PI15: variants seen among roughly 807,000 people sequenced by gnomAD.
PI15 encodes peptidase inhibitor 15.
A neutral mutation model predicts 31.0 loss-of-function variants in PI15; 18 were observed. The observed-to-expected ratio is 0.58, with a 90% confidence interval of 0.40 to 0.86. The LOEUF is 0.86. PI15 is among the 40% of genes least tolerant of loss of function. PI15 has a pLI of 0.00. For missense variants in PI15, 282 were observed against 328.1 expected (o/e 0.86, Z 1.09); for synonymous variants, 118 against 119.1 (o/e 0.99, Z 0.06).
chr8:74,841,203 G>T (rs934851684), intron 2 of PI15, among the ~76,000 whole-genome samples: 4 of 152,132 alleles, frequency 2.6e-5, no homozygotes, highest in Admixed American at 1.3e-4. Flanking sequence ...GAAATGTCTT[G>T]AATATTTTTA....
rs139768565 is a variant in PI15 at position 74,851,631 on chromosome 8, G to T, written c.*2378G>T. On this transcript the variant is annotated 3_prime_UTR_variant, in exon 6 of 6. Transcript: ENST00000260113. ...TGTATTTATCCCAGCTTCTTAAATG[G>T]TGGCTGTAACATAATAAATGTTTAA... The T allele has an allele frequency of 2.0e-3, 298 of 152,084 alleles. 3 individuals carry two copies. The highest frequency in any genetic ancestry group is 6.3e-3 in the African/African-American group (263 of 41,512). 9.4% of individuals were successfully genotyped at this position (152,084 alleles called of 1,614,324 possible).
chr8:74,830,443 C>G lies in PI15; in HGVS notation c.273+4921C>G, dbSNP rs535536522. On this transcript the variant is annotated intron_variant, in intron 2 of 5. Transcript: ENST00000260113. ...TTGGAAAAAAGAAAAATACTGGATA[C>G]CAAATCACAGCAGGTAGTAAAGTTA... Among the ~76,000 whole-genome samples, 4 of 152,002 alleles carry G rather than the reference C, an allele frequency of 2.6e-5. No homozygotes were observed. In the East Asian group the frequency reaches 7.8e-4, roughly 29 times the overall value.
At chr8:74,836,380 T>A (rs908110641) in intron 2 of PI15, among the ~76,000 whole-genome samples, 2 of 151,960 alleles carry the variant, frequency 1.3e-5, no homozygotes, top group Non-Finnish European at 2.9e-5. Flanking sequence ...GGGGGTAAGG[T>A]TGTGAATATT....
rs1384544680 is a variant in PI15 at position 74,845,289 on chromosome 8, A to G, written c.525+29A>G. Reference sequence around the variant, plus strand: ...ATTTCAATTACCTTGTTAATTTTTGATTCATACTTTTAAAATATGCTAATA... The same window carrying G: ...ATTTCAATTACCTTGTTAATTTTTGGTTCATACTTTTAAAATATGCTAATA... On this transcript the variant is annotated intron_variant, in intron 4 of 5. Coordinates refer to ENST00000260113, the MANE Select transcript of PI15 (RefSeq NM_015886.5). 12 of 1,608,080 alleles carry G rather than the reference A, an allele frequency of 7.5e-6. No homozygotes were observed. The Admixed American group carries it at 1.3e-4, about 18-fold the overall frequency.
intron 2 of PI15, among the ~76,000 whole-genome samples, chr8:74,833,841 CA>C (rs1343075163): frequency 1.2e-4 from 18 of 152,208 alleles, no homozygotes; most frequent in African/African-American, 4.3e-4. Flanking sequence ...TGCTTTAAAT[CA>C]GGGGTCTCCC....
intron 2 of PI15, among the ~76,000 whole-genome samples, chr8:74,836,710 G>A (rs1810877490): frequency 6.6e-6 from 1 of 152,122 alleles, no homozygotes; most frequent in South Asian, 2.1e-4. Flanking sequence ...ATGAAAGTGT[G>A]CTCAGAAAGA....
At chr8:74,828,721 C>T (rs1810735736) in intron 2 of PI15, among the ~76,000 whole-genome samples, 1 of 152,050 alleles carries the variant, frequency 6.6e-6, no homozygotes, top group Non-Finnish European at 1.5e-5. Context: ...TTCAACTTCT[C>T]CTCAGTGAGT....
At chr8:74,830,534 A>G (rs1201331846) in intron 2 of PI15, among the ~76,000 whole-genome samples, 2 of 152,090 alleles carry the variant, frequency 1.3e-5, no homozygotes, top group East Asian at 3.9e-4. Flanking sequence ...GAGCCCATGA[A>G]CTATTTGCCT....
rs2128762819 is a variant in PI15 at position 74,824,551 on chromosome 8, G to A, written c.-165G>A. Reference sequence around the variant, plus strand: ...CTCTAGCCAGCAGCATTCAAACCTTGCAGAGCTTTGCTCTCAGAGAGTTTG... The same window carrying A: ...CTCTAGCCAGCAGCATTCAAACCTTACAGAGCTTTGCTCTCAGAGAGTTTG... On this transcript the variant is annotated 5_prime_UTR_variant, in exon 1 of 6. Transcript: ENST00000260113. 6.6e-6 allele frequency: 1 copy of A among 152,142 alleles called. No homozygotes were observed. The highest frequency in any genetic ancestry group is 6.6e-5 in the Admixed American group (1 of 15,266). 9.4% of individuals were successfully genotyped at this position (152,142 alleles called of 1,614,324 possible). A position where few individuals can be genotyped will look rare whatever the true frequency, so the allele number is the denominator to read the frequency against.
chr8:74,848,712 TAAATATATATATATATATATAG>T (rs1235440907), intron 5 of PI15, among the ~76,000 whole-genome samples: 2 of 142,936 alleles, frequency 1.4e-5, no homozygotes, highest in Non-Finnish European at 3.0e-5. Flanking sequence ...ACAATATATA[TAAATATATATATATATATATAG>T]AGAGAGAGAG....
At chr8:74,842,985 AC>A (rs1365228826) in intron 2 of PI15, among the ~76,000 whole-genome samples, 1 of 152,188 alleles carries the variant, frequency 6.6e-6, no homozygotes, top group Admixed American at 6.5e-5. Flanking sequence ...TATTTTTATT[AC>A]CACCAATGAT....
At chr8:74,830,666 T>G (rs978505413) in intron 2 of PI15, among the ~76,000 whole-genome samples, 5 of 152,184 alleles carry the variant, frequency 3.3e-5, no homozygotes, top group Non-Finnish European at 5.9e-5. Context: ...AGTAGTTGAT[T>G]AAACACTTGT....
chr8:74,854,777 T>C lies in PI15; in HGVS notation c.*5524T>C. On this transcript the variant is annotated 3_prime_UTR_variant, in exon 6 of 6. Coordinates refer to ENST00000260113, the MANE Select transcript of PI15 (RefSeq NM_015886.5). ...ACACTATTTTTAAAAAATATCTAAA[T>C]ATGTCTCACATATTTATATAATCCT... 3.3e-5 allele frequency: 5 copies of C among 152,258 alleles called. No homozygotes were observed. The Middle Eastern group carries it at 0.014, about 414-fold the overall frequency. The allele number at this position is 152,258 out of a possible 1,614,324, so 9.4% of individuals were successfully genotyped here.
chr8:74,830,744 C>G (rs1051497074), intron 2 of PI15, among the ~76,000 whole-genome samples: 3 of 152,006 alleles, frequency 2.0e-5, no homozygotes, highest in African/African-American at 7.2e-5. Context: ...TCCCACAAGG[C>G]GCATTTCCTC....
At chr8:74,842,784 A>T (rs536279355) in intron 2 of PI15, among the ~76,000 whole-genome samples, 1 of 152,314 alleles carries the variant, frequency 6.6e-6, no homozygotes, top group African/African-American at 2.4e-5. Context: ...TCAATGAAAG[A>T]AAATTTACCA....
intron 5 of PI15, among the ~76,000 whole-genome samples, chr8:74,848,550 A>G (rs1219778118): frequency 6.6e-6 from 1 of 151,676 alleles, no homozygotes; most frequent in African/African-American, 2.4e-5. Flanking sequence ...TGGCCTGAGT[A>G]TGTGCTCCAG....
chr8:74,832,777 G>T (rs1175722868), intron 2 of PI15, among the ~76,000 whole-genome samples: 1 of 151,960 alleles, frequency 6.6e-6, no homozygotes, highest in Non-Finnish European at 1.5e-5. Context: ...CTGAAATCAG[G>T]TACCAAGCAT....
rs1811126250 is a variant in PI15, at chr8:74,852,810, T to C, written c.*3557T>C. ...AAGCTAAACATAATTTGAATGGGTC[T>C]ATGAAGGAAAAATAATGCTTAGACT... is the stretch of plus-strand genomic sequence containing the variant. On this transcript the variant is annotated 3_prime_UTR_variant, in exon 6 of 6. Transcript: ENST00000260113. The C allele has an allele frequency of 2.0e-5, 3 of 152,238 alleles. No homozygotes were observed. The South Asian group carries it at 6.2e-4, about 32-fold the overall frequency. The allele number at this position is 152,238 out of a possible 1,614,324, so 9.4% of individuals were successfully genotyped here. A position where few individuals can be genotyped will look rare whatever the true frequency, so the allele number is the denominator to read the frequency against.
chr8:74,838,811 G>A (rs1810905195), intron 2 of PI15, among the ~76,000 whole-genome samples: 1 of 152,164 alleles, frequency 6.6e-6, no homozygotes. Flanking sequence ...AATTTTGGGG[G>A]TTGCCTTCCA....
Sources: gnomAD v4.1 joint callset for allele counts (sites outside exome capture counted in the v4.1 genomes callset) on GRCh38, gnomAD v4.1.1 for gene constraint, MANE v1.5 for transcripts, NCBI Gene and HGNC (gene_info 2026-07-23, HGNC 2026-07-21) for gene names.